ZC3H12B: variants seen among roughly 807,000 people sequenced by gnomAD.
ZC3H12B encodes the protein zinc finger CCCH-type containing 12B, also known as probable ribonuclease ZC3H12B.
Under a neutral mutation model 43.9 loss-of-function variants are expected in ZC3H12B, and 7 were observed. That is an observed-to-expected ratio of 0.16 (90% CI 0.09 to 0.30). The LOEUF is 0.30. Ranked by LOEUF, ZC3H12B falls within the 10% of genes least tolerant of loss-of-function variation. ZC3H12B has a pLI of 1.00. For synonymous variants in ZC3H12B, 222 were observed against 241.7 expected (o/e 0.92, Z 0.76); for missense variants, 475 against 670.2 (o/e 0.71, Z 3.22).
At chrX:65,279,261 T>C in the ZC3H12B span, among the ~76,000 whole-genome samples, 1 of 109,677 alleles carries the variant, frequency 9.1e-6, no homozygotes, top group Non-Finnish European at 1.9e-5. Context: ...TCACCAATGG[T>C]GTGTAAGTGT....
chrX:65,154,840 C>T, the ZC3H12B span, among the ~76,000 whole-genome samples: 1 of 111,451 alleles, frequency 9.0e-6, no homozygotes, highest in African/African-American at 3.3e-5. Flanking sequence ...AAGACCCTGT[C>T]TAATAAATTA....
chrX:65,292,609 C>T, the ZC3H12B span, among the ~76,000 whole-genome samples: 717 of 103,535 alleles, frequency 6.9e-3, 3 homozygotes, highest in Admixed American at 0.012. Flanking sequence ...ACATGTACCT[C>T]TGAACTTAAA....
the ZC3H12B span, among the ~76,000 whole-genome samples, chrX:65,162,102 T>C: frequency 8.9e-6 from 1 of 111,928 alleles, no homozygotes; most frequent in Non-Finnish European, 1.9e-5. Context: ...GCCCCCACTC[T>C]CTTCTGGCTT....
chrX:65,348,074 G>T, the ZC3H12B span, among the ~76,000 whole-genome samples: 1 of 109,645 alleles, frequency 9.1e-6, no homozygotes, highest in Non-Finnish European at 1.9e-5. Context: ...CACACACCGG[G>T]GCCTGTGGTG....
chrX:65,440,611 C>T (rs2067289745), intron 3 of ZC3H12B, among the ~76,000 whole-genome samples: 1 of 112,021 alleles, frequency 8.9e-6, no homozygotes, highest in African/African-American at 3.2e-5. Context: ...AAATGCAAAC[C>T]GTTCACAGTC....
At chrX:65,243,563 G>A in the ZC3H12B span, among the ~76,000 whole-genome samples, 5 of 111,387 alleles carry the variant, frequency 4.5e-5, no homozygotes, top group Admixed American at 3.8e-4. Context: ...GAGTATAGAA[G>A]GTCATCAAAA....
At chrX:65,488,831 A>G in exon 1 of ZC3H12B, 1 of 1,203,556 alleles carries the variant, frequency 8.3e-7, no homozygotes, top group South Asian at 1.8e-5. Context: ...TAGAGACACC[A>G]AAAATGGAGA....
At chrX:65,321,548 G>T in the ZC3H12B span, among the ~76,000 whole-genome samples, 1 of 111,231 alleles carries the variant, frequency 9.0e-6, no homozygotes, top group Non-Finnish European at 1.9e-5. Flanking sequence ...TCCCATTACT[G>T]TGTATATGCC....
the ZC3H12B span, among the ~76,000 whole-genome samples, chrX:65,189,567 A>C: frequency 9.3e-6 from 1 of 107,035 alleles, no homozygotes; most frequent in Non-Finnish European, 1.9e-5. Context: ...GCATTTTTTC[A>C]TGTGTTTTTT....
At chrX:65,036,987 G>GT in the ZC3H12B span, among the ~76,000 whole-genome samples, 1,680 of 96,925 alleles carry the variant, frequency 0.017, 19 homozygotes, top group African/African-American at 0.043. Flanking sequence ...CTGGAATGAA[G>GT]TTTTTTTTTT....
At chrX:65,153,146 G>A in the ZC3H12B span, among the ~76,000 whole-genome samples, 3 of 111,918 alleles carry the variant, frequency 2.7e-5, no homozygotes, top group Non-Finnish European at 5.6e-5. Flanking sequence ...GAAAACTTAG[G>A]CATTACCATT....
intron 3 of ZC3H12B, among the ~76,000 whole-genome samples, chrX:65,401,156 A>G (rs746572286): frequency 1.2e-4 from 13 of 110,729 alleles, no homozygotes; most frequent in Non-Finnish European, 2.3e-4. Flanking sequence ...TTAACTCTAT[A>G]CTGCTGAAAG....
chrX:65,035,186 C>A, the ZC3H12B span, among the ~76,000 whole-genome samples: 1 of 112,110 alleles, frequency 8.9e-6, no homozygotes, highest in Non-Finnish European at 1.9e-5. Flanking sequence ...GCCGAGCCCA[C>A]CCCCTGCGGC....
chrX:65,321,212 TA>T, the ZC3H12B span, among the ~76,000 whole-genome samples: 2 of 110,045 alleles, frequency 1.8e-5, no homozygotes, highest in African/African-American at 6.6e-5. Flanking sequence ...AAAACTCAAT[TA>T]AAAAGTGGAC....
At chrX:65,424,176 G>T (rs1300830888) in intron 3 of ZC3H12B, among the ~76,000 whole-genome samples, 1 of 111,703 alleles carries the variant, frequency 9.0e-6, no homozygotes, top group East Asian at 2.8e-4. Flanking sequence ...ATGTGAGATG[G>T]TATCTCATTG....
chrX:65,165,438 A>G, the ZC3H12B span, among the ~76,000 whole-genome samples: 2 of 111,539 alleles, frequency 1.8e-5, no homozygotes, highest in African/African-American at 6.5e-5. Context: ...TTTGCCCCAC[A>G]CTGCCGAAAG....
the ZC3H12B span, among the ~76,000 whole-genome samples, chrX:65,201,524 AT>A: frequency 1.8e-5 from 2 of 109,499 alleles, no homozygotes; most frequent in African/African-American, 6.7e-5. Flanking sequence ...ATTTGAAGGG[AT>A]TTTTTGTGCC....
the ZC3H12B span, among the ~76,000 whole-genome samples, chrX:65,342,216 A>G: frequency 8.9e-6 from 1 of 111,921 alleles, no homozygotes; most frequent in Non-Finnish European, 1.9e-5. Context: ...AGGAGACCTA[A>G]CCATCTTAAA....
chrX:65,082,311 C>T, the ZC3H12B span, among the ~76,000 whole-genome samples: 1 of 110,929 alleles, frequency 9.0e-6, no homozygotes, highest in African/African-American at 3.3e-5. Flanking sequence ...AGAAACAATA[C>T]AAATGACCTA....
Sources: gnomAD v4.1 joint callset for allele counts (sites outside exome capture counted in the v4.1 genomes callset) on GRCh38, gnomAD v4.1.1 for gene constraint, MANE v1.5 for transcripts, NCBI Gene and HGNC (gene_info 2026-07-23, HGNC 2026-07-21) for gene names.